SRCIN1: variants seen among roughly 807,000 people sequenced by gnomAD.
The protein encoded by SRCIN1 is SRC kinase signaling inhibitor 1.
In SRCIN1, 50 loss-of-function variants were observed where a neutral mutation model predicts 116.2. The ratio of observed to expected loss-of-function variants is 0.43; its 90% CI spans 0.34 to 0.54. SRCIN1 has a LOEUF of 0.54. Ranked by LOEUF, SRCIN1 falls within the 20% of genes least tolerant of loss-of-function variation. The pLI is 0.02. For missense variants in SRCIN1, 1,446 were observed against 1,672.0 expected, an observed-to-expected ratio of 0.86 and a Z score of 2.36; for synonymous variants, 736 against 750.0, an observed-to-expected ratio of 0.98 and a Z score of 0.30.
At chr17:38,579,194 A>T (rs747461376) in intron 1 of SRCIN1, among the ~76,000 whole-genome samples, 16 of 152,232 alleles carry the variant, frequency 1.1e-4, no homozygotes, top group Admixed American at 5.2e-4. Flanking sequence ...TGAGGGAAGG[A>T]GGGGTGCTTT....
rs1299457759 is a variant in SRCIN1, at chr17:38,549,069, G to A, written c.3104C>T (p.Ser1035Leu). ...GEVVVTSKKD[S>L]AFIKKAESEE... is the part of the protein sequence containing the mutation. ...TGGGAGTGGTACCTTGATGAAGGCC[G>A]AGTCCTTCTTGCTGGTGACCACCAC... Residue 1035 changes from serine to leucine, a missense_variant, in exon 16 of 19, where the codon TCG becomes TTG. Transcript: ENST00000617146. The A allele has an allele frequency of 4.3e-6, 7 of 1,613,208 alleles. No individual in the cohort carries two copies. Among genetic ancestry groups the A allele is most frequent in the East Asian group, 2.2e-5 (1 of 44,834 alleles).
chr17:38,537,807 G>GA (rs1041812219), intron 18 of SRCIN1, among the ~76,000 whole-genome samples: 29 of 132,070 alleles, frequency 2.2e-4, no homozygotes, highest in African/African-American at 2.9e-4. Flanking sequence ...AAAAAAGAAA[G>GA]AAAAAAAAAT....
At chr17:38,550,448 A>G (rs773856573) in intron 15 of SRCIN1, among the ~76,000 whole-genome samples, 7 of 152,008 alleles carry the variant, frequency 4.6e-5, no homozygotes, top group Non-Finnish European at 1.0e-4. Flanking sequence ...GAGCCAAGAT[A>G]GCGCCACTGC....
chr17:38,595,722 C>G lies in SRCIN1; in HGVS notation c.22+9962G>C, dbSNP rs562055183. Among the ~76,000 whole-genome samples the G allele has an allele frequency of 7.9e-5, 12 of 152,308 alleles. No homozygotes were observed. In the South Asian group the frequency reaches 2.5e-3, roughly 32 times the overall value. ...GCTCCTGACCCCTCTCCCCAGGCCA[C>G]AAGCCCCCTCAGCAGAGGATTCCCG... On this transcript the variant is annotated intron_variant, in intron 1 of 18. Coordinates refer to ENST00000617146, the MANE Select transcript of SRCIN1 (RefSeq NM_025248.3).
intron 3 of SRCIN1, 59 bp from the exon 4 acceptor site, chr17:38,564,372 T>C: frequency 1.4e-6 from 2 of 1,449,106 alleles, no homozygotes; most frequent in Non-Finnish European, 1.8e-6. Flanking sequence ...TCCCCTTTGC[T>C]TGTCACTGCC....
At chr17:38,603,371 A>G (rs1170711406) in intron 1 of SRCIN1, among the ~76,000 whole-genome samples, 2 of 150,834 alleles carry the variant, frequency 1.3e-5, no homozygotes, top group African/African-American at 4.9e-5. Flanking sequence ...CAAGGAGGCA[A>G]GTAGAGGGGC....
intron 1 of SRCIN1, among the ~76,000 whole-genome samples, chr17:38,592,018 A>T (rs1908470006): frequency 6.6e-6 from 1 of 152,196 alleles, no homozygotes; most frequent in African/African-American, 2.4e-5. Context: ...ATAATATCTG[A>T]GGCATATTAA....
At chr17:38,606,380 C>A (rs1909369959), upstream of SRCIN1, among the ~76,000 whole-genome samples, 1 of 152,080 alleles carries the variant, frequency 6.6e-6, no homozygotes, top group Non-Finnish European at 1.5e-5. This position sits in a 1 kb window ranked among gnomAD's most constrained non-coding sequence, Gnocchi z 5.2. Flanking sequence ...GGGCTCCCTT[C>A]AGCCAAGGTG....
Position 38,572,149 on chromosome 17 carries a change from C to T in SRCIN1, c.325-3918G>A, listed in dbSNP as rs111682412. Among the ~76,000 whole-genome samples, 1 of 152,174 alleles carries T rather than the reference C, an allele frequency of 6.6e-6. No individual in the cohort carries two copies. The highest frequency in any genetic ancestry group is 2.4e-5 in the African/African-American group (1 of 41,424). ...GGCAACCCACGGGTCCACACCGGCT[C>T]CTTAATCCCCTGGCTGTGCTGCACC... On this transcript the variant is annotated intron_variant, in intron 2 of 18. Coordinates refer to ENST00000617146, the MANE Select transcript of SRCIN1 (RefSeq NM_025248.3). This position sits in a 1 kb window ranked among gnomAD's most constrained non-coding sequence, Gnocchi z 4.3.
chr17:38,565,724 G>A (rs1906640150), intron 3 of SRCIN1, among the ~76,000 whole-genome samples: 1 of 152,190 alleles, frequency 6.6e-6, no homozygotes, highest in Non-Finnish European at 1.5e-5. Context: ...CTTCTGATGG[G>A]CAGTATGCCC....
chr17:38,537,651 C>T (rs529824639), intron 18 of SRCIN1, among the ~76,000 whole-genome samples: 3 of 151,928 alleles, frequency 2.0e-5, no homozygotes, highest in East Asian at 3.9e-4. Context: ...ATGAGCCAGG[C>T]GTGGTGGCGG....
chr17:38,552,910 C>A lies in SRCIN1; in HGVS notation c.2202-55G>T. 6.4e-7 allele frequency: 1 copy of A among 1,564,448 alleles called. No homozygotes were observed. Among genetic ancestry groups the A allele is most frequent in the Non-Finnish European group, 8.7e-7 (1 of 1,155,764 alleles). ...TTTTGGCCTGAGATGCCAGCCCAGC[C>A]CCCTGAAATTGGGCAACTGGAAAGA... On this transcript the variant is annotated intron_variant, in intron 11 of 18. Transcript: ENST00000617146. This position sits in a 1 kb window ranked among gnomAD's most constrained non-coding sequence, Gnocchi z 5.3.
intron 16 of SRCIN1, 43 bp from the exon 17 acceptor site, chr17:38,548,752 C>G (rs758558092): frequency 6.6e-7 from 1 of 1,518,280 alleles, no homozygotes; most frequent in South Asian, 1.3e-5. Flanking sequence ...CTCTGCCCCA[C>G]TTCAGCACCA....
In SRCIN1 at chr17:38,563,178, G is replaced by A; in HGVS notation, c.740+145C>T. 1.1e-6 allele frequency: 1 copy of A among 915,768 alleles called. No individual in the cohort carries two copies. Among genetic ancestry groups the A allele is most frequent in the South Asian group, 1.6e-5 (1 of 61,042 alleles). The allele number at this position is 915,768 out of a possible 1,614,324, so 56.7% of individuals were successfully genotyped here. A position where few individuals can be genotyped will look rare whatever the true frequency, so the allele number is the denominator to read the frequency against. On this transcript the variant is annotated intron_variant, in intron 5 of 18. Coordinates refer to ENST00000617146, the MANE Select transcript of SRCIN1 (RefSeq NM_025248.3). The surrounding 1 kb of genome is among the most constrained non-coding windows in gnomAD (Gnocchi z 5.8). ...GTGGGGGCTGAGATGGCCGAGGAAG[G>A]GGGCGGGGCGGTAGGGCTCTGGGAG...
At chr17:38,554,038 C>T (rs112045763) in intron 11 of SRCIN1, among the ~76,000 whole-genome samples, 58 of 152,268 alleles carry the variant, frequency 3.8e-4, no homozygotes, top group African/African-American at 1.3e-3. Context: ...TGGCGAAACC[C>T]TGTCTTTACT....
chr17:38,586,989 C>T (rs560938013), intron 1 of SRCIN1, among the ~76,000 whole-genome samples: 167 of 151,294 alleles, frequency 1.1e-3, no homozygotes, highest in Middle Eastern at 3.4e-3. Flanking sequence ...AAGCTCCCTG[C>T]GGGTGGGCAC....
Position 38,530,205 on chromosome 17 carries a change from G to A in SRCIN1, c.*3092C>T, listed in dbSNP as rs2040900445. On this transcript the variant is annotated 3_prime_UTR_variant, in exon 19 of 19. Coordinates refer to ENST00000617146, the MANE Select transcript of SRCIN1 (RefSeq NM_025248.3). ...TCAAGTTACACCGACAGAGGTCACA[G>A]AATATCCACAGAAGCCATCACTGCT... is the stretch of plus-strand genomic sequence containing the variant. 6.6e-6 allele frequency: 1 copy of A among 152,278 alleles called. No homozygotes were observed. The highest frequency in any genetic ancestry group is 2.4e-5 in the African/African-American group (1 of 41,454). The allele number at this position is 152,278 out of a possible 1,614,324, so 9.4% of individuals were successfully genotyped here.
intron 18 of SRCIN1, among the ~76,000 whole-genome samples, chr17:38,543,546 C>T (rs1014581498): frequency 6.6e-6 from 1 of 152,212 alleles, no homozygotes; most frequent in African/African-American, 2.4e-5. Flanking sequence ...GCAGTGGCAG[C>T]TGGAGAGTCT....
chr17:38,558,312 C>T lies in SRCIN1; in HGVS notation c.2116G>A (p.Asp706Asn). 6.2e-7 allele frequency: 1 copy of T among 1,611,046 alleles called. No homozygotes were observed. Among genetic ancestry groups the T allele is most frequent in the Non-Finnish European group, 8.5e-7 (1 of 1,179,592 alleles). Reference protein sequence around the residue: ...RVSEAARRQEDPLQRQRTLVE... With the variant: ...RVSEAARRQENPLQRQRTLVE... ...AGGGTGCGCTGCCGCTGCAGCGGGT[C>T]CTCCTGCCGCCGCGCCGCCTCCGAC... The change falls in exon 11 of 19, where the codon GAC becomes AAC. Residue 706 changes from aspartate to asparagine, a missense_variant. By Grantham distance (23) the Asp-to-Asn change is conservative. Around this residue, in one of 5 missense-constraint regions of SRCIN1, gnomAD observed 398 missense variants for 385.6 expected, o/e 1.03. Transcript: ENST00000617146. This position sits in a 1 kb window ranked among gnomAD's most constrained non-coding sequence, Gnocchi z 4.6.
Sources: allele counts gnomAD v4.1 joint callset (sites outside exome capture counted in the v4.1 genomes callset), GRCh38; gene constraint gnomAD v4.1.1; regional missense constraint gnomAD v4.1.1; non-coding constraint Gnocchi (gnomAD v3.1); transcripts MANE v1.5; gene names NCBI Gene and HGNC (gene_info 2026-07-23, HGNC 2026-07-21).